The following GUCY1A2 variants were observed in gnomAD, a reference collection of about 807,000 sequenced individuals.
The protein encoded by GUCY1A2 is guanylate cyclase 1 soluble subunit alpha 2, also known as guanylate cyclase soluble subunit alpha-2.
GUCY1A2 carries 27 observed loss-of-function variants against 63.5 expected under a neutral mutation model. The ratio of observed to expected loss-of-function variants is 0.43; its 90% CI spans 0.31 to 0.59. The LOEUF (loss-of-function observed/expected upper bound fraction) is 0.59. Ranked by LOEUF, GUCY1A2 falls within the 20% of genes least tolerant of loss-of-function variation. The pLI is 0.11. For synonymous variants in GUCY1A2, 364 were observed against 343.5 expected, an observed-to-expected ratio of 1.06 and a Z score of -0.66; for missense variants, 768 against 913.3, an observed-to-expected ratio of 0.84 and a Z score of 2.05.
intron 1 of GUCY1A2, among the ~76,000 whole-genome samples, chr11:107,017,304 AAGGAG>A (rs1469717614): frequency 1.3e-5 from 2 of 152,180 alleles, no homozygotes; most frequent in African/African-American, 4.8e-5. Context: ...TGTGGGAAAT[AAGGAG>A]AGGAAGGGTT....
Position 106,940,063 on chromosome 11 carries a change from G to A in GUCY1A2, c.603C>T (p.Asn201=), listed in dbSNP as rs144052450. Residue 201 remains asparagine (N), a synonymous_variant, in exon 4 of 8, where the codon AAC becomes AAT. Coordinates refer to ENST00000526355, the MANE Select transcript of GUCY1A2 (RefSeq NM_000855.3). ...TGTGTTCCAACAAAGCATCAAAGCC[G>A]TTAAAAAAGTCCTGCAAAGTGCCAC... ...AVGGTLQDFF[N]GFDALLEHIR... 1.2e-4 allele frequency: 197 copies of A among 1,613,462 alleles called. 1 individual carries two copies. Among genetic ancestry groups the A allele is most frequent in the South Asian group, 5.4e-4 (49 of 91,070 alleles).
chr11:106,928,015 T>G (rs1465678857), intron 4 of GUCY1A2, among the ~76,000 whole-genome samples: 1 of 152,168 alleles, frequency 6.6e-6, no homozygotes, highest in African/African-American at 2.4e-5. Context: ...ACAAAATTCT[T>G]TTACTGTAGG....
chr11:106,889,923 G>T (rs1859951866), intron 4 of GUCY1A2, among the ~76,000 whole-genome samples: 2 of 152,094 alleles, frequency 1.3e-5, no homozygotes, highest in South Asian at 4.1e-4. Flanking sequence ...TACCAAAATT[G>T]CAAGTTTGCA....
intron 4 of GUCY1A2, among the ~76,000 whole-genome samples, chr11:106,859,070 T>A (rs1340273616): frequency 6.6e-6 from 1 of 152,084 alleles, no homozygotes; most frequent in Admixed American, 6.6e-5. Flanking sequence ...TTTTAGGGAC[T>A]GTAGTTCATT....
chr11:106,990,585 C>CTG (rs139110040), intron 1 of GUCY1A2, among the ~76,000 whole-genome samples: 3,129 of 151,846 alleles, frequency 0.021, 82 homozygotes, highest in African/African-American at 0.065. Flanking sequence ...CTCTCTCTCT[C>CTG]TGTGTGTGTG....
rs58468336 is a variant in GUCY1A2, at chr11:106,852,957, A to T, written c.1207-42479T>A. Among the ~76,000 whole-genome samples the T allele has an allele frequency of 5.9e-3, 891 of 152,214 alleles. 6 individuals carry two copies. Among genetic ancestry groups the T allele is most frequent in the African/African-American group, 0.021 (859 of 41,544 alleles). On this transcript the variant is annotated intron_variant, in intron 4 of 7. Coordinates refer to ENST00000526355, the MANE Select transcript of GUCY1A2 (RefSeq NM_000855.3). ...GCAGTATTTTCCTTTCAGCACTTGG[A>T]ATAGATCATTCTCTTTTCTCTTGGG...
chr11:106,831,892 A>G (rs1235942082), intron 4 of GUCY1A2, among the ~76,000 whole-genome samples: 1 of 152,170 alleles, frequency 6.6e-6, no homozygotes, highest in Admixed American at 6.6e-5. Context: ...TACACTTGAG[A>G]TGTGATCTAG....
intron 3 of GUCY1A2, among the ~76,000 whole-genome samples, chr11:106,971,498 G>A (rs145895557): frequency 2.0e-5 from 3 of 152,130 alleles, no homozygotes; most frequent in Non-Finnish European, 2.9e-5. Context: ...AACTATAAAC[G>A]TACACTGGAA....
intron 7 of GUCY1A2, among the ~76,000 whole-genome samples, chr11:106,705,605 A>T (rs1862894462): frequency 6.6e-6 from 1 of 152,178 alleles, no homozygotes; most frequent in South Asian, 2.1e-4. Context: ...TCAGGCTTAT[A>T]ATCCCAGCAC....
chr11:106,791,477 TTG>T (rs3042503), intron 5 of GUCY1A2, among the ~76,000 whole-genome samples: 138,358 of 151,144 alleles, frequency 0.92, 63,462 homozygotes, highest in Non-Finnish European at 0.94. Context: ...ATGGAGGTAT[TTG>T]TGTGTGTGTG....
rs1861856271 is a variant in GUCY1A2 at position 107,018,200 on chromosome 11, C to G, written c.-145G>C. 3.8e-6 allele frequency: 1 copy of G among 263,884 alleles called. No individual in the cohort carries two copies. The highest frequency in any genetic ancestry group is 6.6e-6 in the Non-Finnish European group (1 of 150,558). The allele number at this position is 263,884 out of a possible 1,614,324, so 16.3% of individuals were successfully genotyped here. A position where few individuals can be genotyped will look rare whatever the true frequency, so the allele number is the denominator to read the frequency against. ...CGGTCGCGCCCGGCGGGGCGGGAGT[C>G]CCCGGGGCCGCGGAGCCCCCCGAGC... On this transcript the variant is annotated 5_prime_UTR_variant, in exon 1 of 8. Coordinates refer to ENST00000526355, the MANE Select transcript of GUCY1A2 (RefSeq NM_000855.3).
At chr11:106,951,583 G>A (rs1860909760) in intron 3 of GUCY1A2, among the ~76,000 whole-genome samples, 1 of 152,062 alleles carries the variant, frequency 6.6e-6, no homozygotes, top group African/African-American at 2.4e-5. Context: ...TTTATGATGG[G>A]GTTGTTTGGT....
At chr11:106,962,554 CAA>C (rs5794510) in intron 3 of GUCY1A2, among the ~76,000 whole-genome samples, 6 of 117,702 alleles carry the variant, frequency 5.1e-5, no homozygotes, top group Non-Finnish European at 5.4e-5. Context: ...GACTCCATCT[CAA>C]AAAAAAAAAA....
chr11:106,822,261 C>T (rs1044745035), intron 4 of GUCY1A2, among the ~76,000 whole-genome samples: 5 of 152,124 alleles, frequency 3.3e-5, no homozygotes, highest in African/African-American at 1.2e-4. Flanking sequence ...ACCATACGAA[C>T]AATTTTTTTC....
At chr11:106,798,333 G>A (rs895751145) in intron 5 of GUCY1A2, among the ~76,000 whole-genome samples, 7 of 152,070 alleles carry the variant, frequency 4.6e-5, no homozygotes, top group African/African-American at 1.7e-4. Context: ...TCTACCAGAG[G>A]TACAAGGAGG....
chr11:106,728,863 A>G (rs1243060022), intron 6 of GUCY1A2, among the ~76,000 whole-genome samples: 1 of 152,188 alleles, frequency 6.6e-6, no homozygotes, highest in Non-Finnish European at 1.5e-5. Flanking sequence ...TGTTTAAACA[A>G]TCACAAAATG....
intron 4 of GUCY1A2, among the ~76,000 whole-genome samples, chr11:106,867,314 A>G (rs1859608306): frequency 6.6e-6 from 1 of 152,066 alleles, no homozygotes; most frequent in Admixed American, 6.6e-5. Flanking sequence ...TCTCAATCTT[A>G]TTTTCTACCA....
rs537136430 is a variant in GUCY1A2, at chr11:106,719,935, A to G, written c.1837-11269T>C. On this transcript the variant is annotated intron_variant, in intron 6 of 7. Coordinates refer to ENST00000526355, the MANE Select transcript of GUCY1A2 (RefSeq NM_000855.3). ...GTTTGCCCAGGAAATCATTTTCGCC[A>G]GCATTCTATAAATTCCTTCACATCC... is the stretch of plus-strand genomic sequence containing the variant. Among the ~76,000 whole-genome samples, 5 of 152,350 alleles carry G rather than the reference A, an allele frequency of 3.3e-5. No homozygotes were observed. In the South Asian group the frequency reaches 1.0e-3, roughly 32 times the overall value.
At chr11:106,942,861 C>G (rs2119986549) in intron 3 of GUCY1A2, among the ~76,000 whole-genome samples, 1 of 152,224 alleles carries the variant, frequency 6.6e-6, no homozygotes, top group East Asian at 1.9e-4. Flanking sequence ...TAAAGGACCT[C>G]TGTACTTTAA....
Sources: allele counts gnomAD v4.1 joint callset (sites outside exome capture counted in the v4.1 genomes callset), GRCh38; gene constraint gnomAD v4.1.1; transcripts MANE v1.5; gene names NCBI Gene and HGNC (gene_info 2026-07-23, HGNC 2026-07-21).